The following AGO2 variants were observed in gnomAD, a reference collection of about 807,000 sequenced individuals.
AGO2 encodes protein argonaute-2.
In AGO2, 5 loss-of-function variants were observed where a neutral mutation model predicts 102.3. The observed-to-expected ratio is 0.05, with a 90% CI of 0.03 to 0.10. The LOEUF is 0.10. AGO2 is among the 10% of genes least tolerant of loss of function. The pLI is 1.00. For missense variants in AGO2, 541 were observed against 1,183.7 expected (o/e 0.46, Z 7.97); for synonymous variants, 449 against 473.1 (o/e 0.95, Z 0.66).
rs539148278 is a variant in AGO2, at chr8:140,560,228, G to A, written c.655+146C>T. The stretch of plus-strand genomic sequence containing the variant: ...CCGTAACCCACCCAACACTGCAGGT[G>A]AGACCAGCCAGGTGTCACGCAGCGG... On this transcript the variant is annotated intron_variant, in intron 5 of 18. Coordinates refer to ENST00000220592, the MANE Select transcript of AGO2 (RefSeq NM_012154.5). 7.1e-5 allele frequency: 89 copies of A among 1,260,664 alleles called. No homozygotes were observed. The African/African-American group carries it at 1.2e-3, about 18-fold the overall frequency. 78.1% of individuals were successfully genotyped at this position (1,260,664 alleles called of 1,614,324 possible).
rs1346461308 is a variant in AGO2, at chr8:140,559,467, A to G, written c.718T>C (p.Phe240Leu). Residue 240 changes from phenylalanine (F) to leucine (L), a missense_variant, in exon 6 of 19, where the codon TTT becomes CTT. Coordinates refer to ENST00000220592, the MANE Select transcript of AGO2 (RefSeq NM_012154.5). ...VIEFVCEVLD[F>L]KSIEEQQKPL... ...TTTTGTTGTTCTTCAATACTTTTAA[A>G]ATCCAAAACTTCACAAACAAACTCG... is the stretch of plus-strand genomic sequence containing the variant. The G allele has an allele frequency of 6.2e-7, 1 of 1,614,242 alleles. No homozygotes were observed. Among genetic ancestry groups the G allele is most frequent in the Non-Finnish European group, 8.5e-7 (1 of 1,180,038 alleles).
At chr8:140,607,299 A>G (rs4961276) in intron 1 of AGO2, among the ~76,000 whole-genome samples, 23,657 of 150,680 alleles carry the variant, frequency 0.16, 2,428 homozygotes, top group Admixed American at 0.3. Flanking sequence ...AATGGTGTCC[A>G]CATGAAGTCC....
At chr8:140,595,637 A>G (rs1399004816) in intron 1 of AGO2, among the ~76,000 whole-genome samples, 10 of 135,174 alleles carry the variant, frequency 7.4e-5, no homozygotes, top group African/African-American at 2.7e-4. Flanking sequence ...TATTATATAT[A>G]TATTATTTAT....
At chr8:140,631,551 GA>G (rs1221721207) in intron 1 of AGO2, among the ~76,000 whole-genome samples, 20 of 149,986 alleles carry the variant, frequency 1.3e-4, no homozygotes, top group Admixed American at 1.1e-3. Context: ...AAAAAAAAAA[GA>G]AAAAAAAGAA....
At chr8:140,621,504 T>C (rs2074217373) in intron 1 of AGO2, among the ~76,000 whole-genome samples, 1 of 152,188 alleles carries the variant, frequency 6.6e-6, no homozygotes, top group African/African-American at 2.4e-5. Context: ...CACTCAACAC[T>C]GACTCAAAGA....
intron 1 of AGO2, among the ~76,000 whole-genome samples, chr8:140,603,062 A>G (rs1395056870): frequency 6.6e-6 from 1 of 152,230 alleles, no homozygotes; most frequent in Non-Finnish European, 1.5e-5. Context: ...ATTATTTGCT[A>G]TCCGAAAGGC....
intron 1 of AGO2, among the ~76,000 whole-genome samples, chr8:140,605,145 G>A (rs983669779): frequency 2.0e-5 from 3 of 152,050 alleles, no homozygotes; most frequent in Non-Finnish European, 4.4e-5. Flanking sequence ...ACTGAAGCTG[G>A]AATGCAGTGT....
chr8:140,639,681 G>A (rs1416215848), upstream of AGO2, among the ~76,000 whole-genome samples: 2 of 152,182 alleles, frequency 1.3e-5, no homozygotes, highest in African/African-American at 2.4e-5. Context: ...ACTGAGGTGG[G>A]AGGATTGCTT....
chr8:140,572,897 G>A lies in AGO2; in HGVS notation c.251C>T (p.Thr84Ile), dbSNP rs1197314230. The A allele has an allele frequency of 6.2e-7, 1 of 1,613,952 alleles. No homozygotes were observed. The highest frequency in any genetic ancestry group is 8.5e-7 in the Non-Finnish European group (1 of 1,179,966). ...GGGCTTCCGATCCCCAAAGATCTGT[G>A]TTTTAAAGTGCTGGACCATGTGTTC... The part of the protein sequence containing the change: ...IVEHMVQHFK[T>I]QIFGDRKPVF... Residue 84 changes from threonine (T) to isoleucine (I), a missense_variant, in exon 3 of 19, where the codon ACA becomes ATA. Thr to Ile is a moderately conservative substitution (Grantham distance 89). Around this residue, in one of 6 missense-constraint regions of AGO2, gnomAD observed 147 missense variants for 204.1 expected, o/e 0.72. Coordinates refer to ENST00000220592, the MANE Select transcript of AGO2 (RefSeq NM_012154.5).
intron 2 of AGO2, among the ~76,000 whole-genome samples, chr8:140,582,872 T>A (rs1209158917): frequency 6.6e-6 from 1 of 152,200 alleles, no homozygotes; most frequent in African/African-American, 2.4e-5. Context: ...GGAGAAAATA[T>A]TCCCAGTATA....
At chr8:140,593,616 A>T (rs529121270) in intron 1 of AGO2, among the ~76,000 whole-genome samples, 1 of 151,684 alleles carries the variant, frequency 6.6e-6, no homozygotes, top group Non-Finnish European at 1.5e-5. Flanking sequence ...GATACCTAGT[A>T]CTTTTCTCAA....
At position 140,611,947 on chromosome 8, in the gene AGO2, G is replaced by A. The variant is rs577389251; in HGVS notation, c.22+23538C>T. ...TAAAAGACTTCTGGTGAGTTCGACC[G>A]GGCGCGGTGGCTCACGCCTGTAATC... On this transcript the variant is annotated intron_variant, in intron 1 of 18. Transcript: ENST00000220592. Among the ~76,000 whole-genome samples, 76 of 152,194 alleles carry A rather than the reference G, an allele frequency of 5.0e-4. 1 individual carries two copies. The South Asian group carries it at 0.014, about 29-fold the overall frequency.
At chr8:140,625,834 C>G (rs534487314) in intron 1 of AGO2, among the ~76,000 whole-genome samples, 3 of 152,208 alleles carry the variant, frequency 2.0e-5, no homozygotes, top group African/African-American at 7.2e-5. Flanking sequence ...GGACCACCCC[C>G]CAAAAAGCTT....
chr8:140,595,900 ATGTAT>A (rs2073831366), intron 1 of AGO2, among the ~76,000 whole-genome samples: 1 of 120,830 alleles, frequency 8.3e-6, no homozygotes, highest in African/African-American at 3.3e-5. Context: ...TATATATATT[ATGTAT>A]TATATAATAT....
At position 140,528,156 on chromosome 8, in the gene AGO2, C is replaced by A. The variant is rs539387966; in HGVS notation, c.*3888G>T. ...TGCATATATAAGAAAAACAATTCAT[C>A]CAGAAAAATCACATTTGTGGCTTTC... On this transcript the variant is annotated 3_prime_UTR_variant, in exon 19 of 19. Transcript: ENST00000220592. This position sits in a 1 kb window ranked among gnomAD's most constrained non-coding sequence, Gnocchi z 4.5. The A allele has an allele frequency of 6.6e-6, 1 of 152,302 alleles. No homozygotes were observed. The highest frequency in any genetic ancestry group is 2.4e-5 in the African/African-American group (1 of 41,570). The allele number at this position is 152,302 out of a possible 1,614,324, so 9.4% of individuals were successfully genotyped here.
At chr8:140,631,280 G>A (rs748009749) in intron 1 of AGO2, among the ~76,000 whole-genome samples, 11 of 152,288 alleles carry the variant, frequency 7.2e-5, no homozygotes, top group Admixed American at 3.9e-4. Flanking sequence ...GGTGGCTCAC[G>A]CCTATAATCC....
intron 1 of AGO2, among the ~76,000 whole-genome samples, chr8:140,597,581 T>C: frequency 6.9e-6 from 1 of 145,816 alleles, no homozygotes; most frequent in Non-Finnish European, 1.5e-5. Context: ...GAGAAATAAA[T>C]GAGCATTCAG....
chr8:140,599,824 C>T (rs974482857), intron 1 of AGO2, among the ~76,000 whole-genome samples: 5 of 152,172 alleles, frequency 3.3e-5, no homozygotes, highest in East Asian at 1.9e-4. Context: ...CGGGTTCAAG[C>T]GATCCTCCTG....
At chr8:140,546,950 G>T (rs1330654395) in intron 13 of AGO2, among the ~76,000 whole-genome samples, 1 of 152,188 alleles carries the variant, frequency 6.6e-6, no homozygotes, top group South Asian at 2.1e-4. Context: ...CCCGTCCCCG[G>T]CGGTCAGCCC....
Sources: gnomAD v4.1 joint callset for allele counts (sites outside exome capture counted in the v4.1 genomes callset) on GRCh38, gnomAD v4.1.1 for gene constraint, gnomAD v4.1.1 regional missense constraint, Gnocchi (gnomAD v3.1) non-coding constraint, MANE v1.5 for transcripts, NCBI Gene and HGNC (gene_info 2026-07-23, HGNC 2026-07-21) for gene names.